RBFOX1: variants seen among roughly 807,000 people sequenced by gnomAD.
RBFOX1 encodes RNA binding protein fox-1 homolog 1.
In RBFOX1, 8 loss-of-function variants were observed where a neutral mutation model predicts 57.7. That is an observed-to-expected ratio of 0.14 (90% CI 0.08 to 0.25). The LOEUF is 0.25. Among genes scored for constraint, RBFOX1 ranks in the 10% least tolerant of loss-of-function variants. The pLI is 1.00. For missense variants in RBFOX1, 611 were observed against 548.5 expected, an observed-to-expected ratio of 1.11 and a Z score of -1.14; for synonymous variants, 326 against 222.4, an observed-to-expected ratio of 1.47 and a Z score of -4.15.
At chr16:6,817,177 T>C (rs1029963934) in intron 3 of RBFOX1, among the ~76,000 whole-genome samples, 1 of 152,196 alleles carries the variant, frequency 6.6e-6, no homozygotes, top group Non-Finnish European at 1.5e-5. Context: ...TGACTGGACC[T>C]GTTATACATC....
intron 3 of RBFOX1, among the ~76,000 whole-genome samples, chr16:5,662,372 C>G (rs1027130052): frequency 2.6e-5 from 4 of 152,250 alleles, no homozygotes; most frequent in African/African-American, 9.6e-5. Flanking sequence ...TTCTAAAATG[C>G]AGGGTTACCT....
chr16:6,686,770 T>TAA (rs2059497148), intron 3 of RBFOX1, among the ~76,000 whole-genome samples: 2 of 152,286 alleles, frequency 1.3e-5, no homozygotes, highest in South Asian at 4.1e-4. Flanking sequence ...CCTCCCCCAT[T>TAA]ACACACACCC....
At chr16:7,389,990 C>T (rs962089158) in intron 4 of RBFOX1, among the ~76,000 whole-genome samples, 1 of 152,088 alleles carries the variant, frequency 6.6e-6, no homozygotes, top group Non-Finnish European at 1.5e-5. Context: ...GTGGGTTGTA[C>T]AGGCTCTGCT....
chr16:7,335,120 C>T (rs2096762086), intron 4 of RBFOX1, among the ~76,000 whole-genome samples: 1 of 152,144 alleles, frequency 6.6e-6, no homozygotes, highest in Non-Finnish European at 1.5e-5. Context: ...GTAATATTTG[C>T]AAGGGGAGAA....
intron 1 of RBFOX1, among the ~76,000 whole-genome samples, chr16:5,302,361 G>T (rs1460540898): frequency 6.6e-6 from 1 of 152,136 alleles, no homozygotes; most frequent in East Asian, 1.9e-4. Context: ...GCAGCATATG[G>T]TCTCTCTTAA....
At chr16:6,237,276 A>C (rs1352364095) in intron 1 of RBFOX1, among the ~76,000 whole-genome samples, 8 of 152,178 alleles carry the variant, frequency 5.3e-5, no homozygotes, top group African/African-American at 1.4e-4. Flanking sequence ...ATGAAATTGC[A>C]ATGTTAGAAG....
chr16:7,476,579 G>T (rs1164129144), intron 4 of RBFOX1, among the ~76,000 whole-genome samples: 2 of 152,198 alleles, frequency 1.3e-5, no homozygotes, highest in African/African-American at 2.4e-5. Flanking sequence ...GACGTAGGGG[G>T]CTAAATGAGT....
chr16:7,655,410 T>C (rs1421832779), intron 12 of RBFOX1, among the ~76,000 whole-genome samples: 1 of 152,184 alleles, frequency 6.6e-6, no homozygotes, highest in Non-Finnish European at 1.5e-5. Context: ...CGGTGGATAG[T>C]AACAAACCAA....
At chr16:6,711,781 G>A (rs868597881) in intron 3 of RBFOX1, among the ~76,000 whole-genome samples, 10 of 152,196 alleles carry the variant, frequency 6.6e-5, no homozygotes, top group South Asian at 2.1e-4. Context: ...TCTAGACTTC[G>A]TTTTCTTTCA....
intron 3 of RBFOX1, among the ~76,000 whole-genome samples, chr16:5,624,971 G>A (rs758453): frequency 0.019 from 2,953 of 152,242 alleles, 105 homozygotes; most frequent in African/African-American, 0.068. Flanking sequence ...ATTTGGGGCC[G>A]TGTGATTGAG....
rs1412735541 is a variant in RBFOX1 at position 7,427,576 on chromosome 16, G to A, written c.28-90571G>A. On this transcript the variant is annotated intron_variant, in intron 4 of 15. Coordinates refer to ENST00000550418, the MANE Select transcript of RBFOX1 (RefSeq NM_018723.4). ...TTCCCCTCCAATTTTACCTTCCCTT[G>A]CCCAAGCTAATTTAACTCTTTCTTT... is the stretch of plus-strand genomic sequence containing the variant. 2.6e-5 allele frequency among the ~76,000 whole-genome samples: 4 copies of A among 151,586 alleles called. No individual in the cohort carries two copies. The East Asian group carries it at 5.8e-4, about 22-fold the overall frequency.
At chr16:6,839,525 A>G (rs538246541) in intron 3 of RBFOX1, among the ~76,000 whole-genome samples, 2 of 152,316 alleles carry the variant, frequency 1.3e-5, no homozygotes, top group African/African-American at 2.4e-5. Flanking sequence ...TGAAATTTTA[A>G]TCAGACAGAC....
intron 14 of RBFOX1, among the ~76,000 whole-genome samples, chr16:7,692,597 G>C (rs748592958): frequency 6.6e-6 from 1 of 152,094 alleles, no homozygotes; most frequent in Non-Finnish European, 1.5e-5. Flanking sequence ...TGACTCAGAC[G>C]ATCTTATTTG....
intron 3 of RBFOX1, among the ~76,000 whole-genome samples, chr16:5,642,342 C>T (rs978188790): frequency 6.6e-6 from 1 of 152,178 alleles, no homozygotes; most frequent in African/African-American, 2.4e-5. Flanking sequence ...GAAAGCAATC[C>T]ATGCGAGATC....
intron 2 of RBFOX1, among the ~76,000 whole-genome samples, chr16:6,426,068 C>T (rs993960442): frequency 6.7e-6 from 1 of 148,642 alleles, no homozygotes. Flanking sequence ...TTCTCTGTCT[C>T]TCTGTCTCAT....
Position 6,627,729 on chromosome 16 carries a change from C to G in RBFOX1, c.-63-26874C>G, listed in dbSNP as rs964789189. 7.2e-5 allele frequency among the ~76,000 whole-genome samples: 11 copies of G among 152,296 alleles called. No individual in the cohort carries two copies. In the South Asian group the frequency reaches 1.5e-3, roughly 20 times the overall value. On this transcript the variant is annotated intron_variant, in intron 2 of 15. Coordinates refer to ENST00000550418, the MANE Select transcript of RBFOX1 (RefSeq NM_018723.4). Reference sequence around the variant, plus strand: ...AAAAGTGAGGTGTCAGTCATCCCCCCTCTGAGGCCGGAGGGAGGGTGGAGA... The same window carrying G: ...AAAAGTGAGGTGTCAGTCATCCCCCGTCTGAGGCCGGAGGGAGGGTGGAGA...
At chr16:7,454,929 G>A (rs774767689) in intron 4 of RBFOX1, among the ~76,000 whole-genome samples, 2 of 152,072 alleles carry the variant, frequency 1.3e-5, no homozygotes, top group Non-Finnish European at 2.9e-5. Context: ...GCCAGCCCTG[G>A]GCCAACCCCT....
intron 2 of RBFOX1, among the ~76,000 whole-genome samples, chr16:5,533,433 T>C (rs2044565695): frequency 6.6e-6 from 1 of 152,180 alleles, no homozygotes; most frequent in Admixed American, 6.5e-5. Flanking sequence ...GGTGATGAGT[T>C]GCAGGCACAC....
At chr16:6,989,527 T>C (rs953388719) in intron 3 of RBFOX1, among the ~76,000 whole-genome samples, 6 of 152,220 alleles carry the variant, frequency 3.9e-5, no homozygotes, top group African/African-American at 1.4e-4. Context: ...ATTAGTTGCC[T>C]ATCAATTTAT....
Sources: allele counts gnomAD v4.1 joint callset (sites outside exome capture counted in the v4.1 genomes callset), GRCh38; gene constraint gnomAD v4.1.1; transcripts MANE v1.5; gene names NCBI Gene and HGNC (gene_info 2026-07-23, HGNC 2026-07-21).